Variants in RHCE observed in about 807,000 individuals in gnomAD.
The protein encoded by RHCE is blood group Rh(CE) polypeptide.
In RHCE, 22 loss-of-function variants were observed where a neutral mutation model predicts 43.8. The observed-to-expected ratio is 0.50, with a 90% CI of 0.36 to 0.72. RHCE has a LOEUF of 0.72. RHCE is among the 30% of genes least tolerant of loss of function. The probability of loss-of-function intolerance (pLI) is 0.00; values close to 1 mark genes in which losing one functional copy is unlikely to be tolerated. For synonymous variants in RHCE, 156 were observed against 210.7 expected, an observed-to-expected ratio of 0.74 and a Z score of 2.25; for missense variants, 385 against 525.4, an observed-to-expected ratio of 0.73 and a Z score of 2.61.
intron 7 of RHCE, among the ~76,000 whole-genome samples, chr1:25,378,101 G>A (rs1336229883): frequency 1.3e-5 from 2 of 152,144 alleles, no homozygotes; most frequent in Non-Finnish European, 2.9e-5. Context: ...GTTAGTTATT[G>A]GAGATATCAA....
chr1:25,418,257 C>T (rs536837360), intron 1 of RHCE, among the ~76,000 whole-genome samples: 1 of 152,270 alleles, frequency 6.6e-6, no homozygotes, highest in South Asian at 2.1e-4. Context: ...GAACTCCTGA[C>T]CTCAGGTGAT....
chr1:25,371,866 G>A (rs1645620730), intron 8 of RHCE, among the ~76,000 whole-genome samples: 1 of 151,372 alleles, frequency 6.6e-6, no homozygotes, highest in African/African-American at 2.5e-5. Flanking sequence ...GAATGGGTGA[G>A]TGCTTAGTGA....
At chr1:25,370,246 T>G (rs564620184) in intron 9 of RHCE, among the ~76,000 whole-genome samples, 2 of 151,544 alleles carry the variant, frequency 1.3e-5, no homozygotes, top group African/African-American at 4.9e-5. Flanking sequence ...CTGAATGAAT[T>G]TGAGGTATCA....
At chr1:25,376,817 G>C (rs1645801756) in intron 7 of RHCE, among the ~76,000 whole-genome samples, 1 of 152,038 alleles carries the variant, frequency 6.6e-6, no homozygotes. Flanking sequence ...AGGAGGCTGA[G>C]GCAGGAGAAC....
At chr1:25,368,540 C>CT (rs1412886862) in intron 9 of RHCE, among the ~76,000 whole-genome samples, 2 of 149,686 alleles carry the variant, frequency 1.3e-5, no homozygotes, top group Admixed American at 6.7e-5. Flanking sequence ...GTCTTTTTAA[C>CT]TTTTTTGCCT....
At chr1:25,386,880 A>C (rs1165199491) in intron 6 of RHCE, among the ~76,000 whole-genome samples, 2 of 140,278 alleles carry the variant, frequency 1.4e-5, no homozygotes, top group African/African-American at 5.6e-5. Context: ...CACACACACA[A>C]ATTAGCCAGG....
At chr1:25,416,295 G>A (rs564246404) in intron 1 of RHCE, among the ~76,000 whole-genome samples, 2 of 151,296 alleles carry the variant, frequency 1.3e-5, no homozygotes, top group South Asian at 2.1e-4. Flanking sequence ...ATGGAGTCTC[G>A]CCCTGTTGCC....
At chr1:25,395,004 T>G (rs1335375621) in intron 3 of RHCE, among the ~76,000 whole-genome samples, 1 of 147,644 alleles carries the variant, frequency 6.8e-6, no homozygotes, top group Admixed American at 6.8e-5. Flanking sequence ...CCAGTTAAGC[T>G]AGCAAGTCAA....
chr1:25,401,494 G>A (rs1646739888), intron 3 of RHCE, among the ~76,000 whole-genome samples: 1 of 152,132 alleles, frequency 6.6e-6, no homozygotes, highest in South Asian at 2.1e-4. Flanking sequence ...CCTATGAGAT[G>A]GGAAGGTTGG....
intron 7 of RHCE, among the ~76,000 whole-genome samples, chr1:25,384,953 T>A (rs1394702909): frequency 6.6e-6 from 1 of 152,260 alleles, no homozygotes; most frequent in African/African-American, 2.4e-5. Flanking sequence ...TATCAGTGAA[T>A]ATGATTATCA....
chr1:25,372,177 G>A (rs1159042576), intron 8 of RHCE, among the ~76,000 whole-genome samples: 2 of 151,646 alleles, frequency 1.3e-5, no homozygotes, highest in Non-Finnish European at 2.9e-5. Flanking sequence ...GAGGGTTGTT[G>A]GTCTAATCTC....
In RHCE at chr1:25,429,430, G is replaced by A. The variant is rs60771201; in HGVS notation, c.-136-381C>T. ...GGCCTCCCAAAGTGCTGGGATTACAGGCGTGAGCCACCGCGCCCAGCCCTT... is the reference window on the plus strand; with the variant it reads ...GGCCTCCCAAAGTGCTGGGATTACAAGCGTGAGCCACCGCGCCCAGCCCTT... On this transcript the variant is annotated intron_variant, in intron 1 of 11. Coordinates refer to the RHCE transcript ENST00000349320. Among the ~76,000 whole-genome samples the A allele has an allele frequency of 5.5e-3, 834 of 152,210 alleles. 12 individuals carry two copies. Among genetic ancestry groups the A allele is most frequent in the African/African-American group, 0.019 (801 of 41,514 alleles).
intron 8 of RHCE, among the ~76,000 whole-genome samples, chr1:25,373,091 C>A (rs1645664226): frequency 6.6e-6 from 1 of 151,582 alleles, no homozygotes; most frequent in Non-Finnish European, 1.5e-5. Context: ...ATGAGCCACC[C>A]AAGTTGTTTT....
At chr1:25,370,316 G>A (rs1354651320) in intron 9 of RHCE, 151 bp downstream of exon 9, 14 of 688,292 alleles carry the variant, frequency 2.0e-5, no homozygotes, top group East Asian at 2.0e-4. Flanking sequence ...GCATATCATG[G>A]ATTTGTTTCT....
chr1:25,427,654 T>C (rs2042815989), intron 2 of RHCE, among the ~76,000 whole-genome samples: 1 of 152,248 alleles, frequency 6.6e-6, no homozygotes, highest in African/African-American at 2.4e-5. Context: ...GGCCTCTCCT[T>C]GGGTCTTGGC....
At chr1:25,377,334 C>T (rs1224251996) in intron 7 of RHCE, among the ~76,000 whole-genome samples, 1 of 151,636 alleles carries the variant, frequency 6.6e-6, no homozygotes, top group Non-Finnish European at 1.5e-5. Flanking sequence ...GTAGCTGAGA[C>T]TACAGGCAAG....
intron 1 of RHCE, among the ~76,000 whole-genome samples, chr1:25,413,293 C>G (rs1647156410): frequency 6.6e-6 from 1 of 152,190 alleles, no homozygotes; most frequent in East Asian, 1.9e-4. Flanking sequence ...CCCCCTGCCC[C>G]CTCATCCTCC....
chr1:25,405,464 C>G (rs1339706134), intron 2 of RHCE, among the ~76,000 whole-genome samples: 1 of 152,152 alleles, frequency 6.6e-6, no homozygotes, highest in Non-Finnish European at 1.5e-5. Context: ...ACCAACCTGA[C>G]CCACCTGGTG....
At position 25,411,006 on chromosome 1, in the gene RHCE, C is replaced by T. The variant is rs1185658015; in HGVS notation, c.149-2137G>A. ...ACTCGGGAGGCTGAGGCAGGAGAAT[C>T]GCTTGAACCCAGGAGGCGGAGGTTG... On this transcript the variant is annotated intron_variant, in intron 1 of 9. Coordinates refer to ENST00000294413, the MANE Select transcript of RHCE (RefSeq NM_020485.8). Among the ~76,000 whole-genome samples, 5 of 152,058 alleles carry T rather than the reference C, an allele frequency of 3.3e-5. No individual in the cohort carries two copies. In the East Asian group the frequency reaches 7.7e-4, roughly 24 times the overall value.
Sources: gnomAD v4.1 joint callset for allele counts (sites outside exome capture counted in the v4.1 genomes callset) on GRCh38, gnomAD v4.1.1 for gene constraint, MANE v1.5 for transcripts, NCBI Gene and HGNC (gene_info 2026-07-23, HGNC 2026-07-21) for gene names.